PHEX: variants seen among roughly 807,000 people sequenced by gnomAD.
PHEX encodes the protein phosphate regulating endopeptidase X-linked.
Under a neutral mutation model 68.0 loss-of-function variants are expected in PHEX, and 16 were observed. The ratio of observed to expected loss-of-function variants is 0.24; its 90% confidence interval spans 0.16 to 0.36. PHEX has a LOEUF of 0.36. PHEX is among the 10% of genes least tolerant of loss of function. The pLI is 1.00. For synonymous variants in PHEX, 208 were observed against 205.1 expected, an observed-to-expected ratio of 1.01 and a Z score of -0.12; for missense variants, 480 against 575.5, an observed-to-expected ratio of 0.83 and a Z score of 1.70.
At chrX:22,129,113 A>T (rs1931868097) in intron 11 of PHEX, among the ~76,000 whole-genome samples, 1 of 111,102 alleles carries the variant, frequency 9.0e-6, no homozygotes, top group Non-Finnish European at 1.9e-5. Flanking sequence ...GATCTGTCTG[A>T]TAACCAAGAT....
intron 5 of PHEX, among the ~76,000 whole-genome samples, chrX:22,080,990 C>T (rs1161080341): frequency 8.9e-6 from 1 of 111,944 alleles, no homozygotes; most frequent in Non-Finnish European, 1.9e-5. Context: ...AAGCATGACC[C>T]AGCAACTGGT....
At chrX:22,245,467 C>G (rs1330685212) in intron 21 of PHEX, 58 bp downstream of exon 21, 15 of 781,551 alleles carry the variant, frequency 1.9e-5, no homozygotes, top group Non-Finnish European at 2.8e-5. Context: ...CCTTCCTCCC[C>G]CACCCAGCCA....
chrX:22,050,360 C>G, intron 3 of PHEX, among the ~76,000 whole-genome samples: 1 of 111,001 alleles, frequency 9.0e-6, no homozygotes, highest in Non-Finnish European at 1.9e-5. Flanking sequence ...GGTGGATCAC[C>G]TTCAGGTCAG....
At chrX:22,176,742 T>C (rs1346664213) in intron 13 of PHEX, among the ~76,000 whole-genome samples, 1 of 111,010 alleles carries the variant, frequency 9.0e-6, no homozygotes, top group Non-Finnish European at 1.9e-5. Flanking sequence ...GCATACAGTG[T>C]TGTTTTGCAT....
chrX:22,138,334 G>A (rs944397909), intron 12 of PHEX, among the ~76,000 whole-genome samples: 1 of 112,734 alleles, frequency 8.9e-6, no homozygotes, highest in African/African-American at 3.2e-5. Flanking sequence ...GTGCTGAGCC[G>A]GGATTCGGAC....
chrX:22,217,802 G>T (rs1414493045), intron 16 of PHEX, among the ~76,000 whole-genome samples: 1 of 111,882 alleles, frequency 8.9e-6, no homozygotes, highest in Admixed American at 9.5e-5. Flanking sequence ...GTAGATAAGA[G>T]AGTGGCCTCA....
At chrX:22,214,750 G>T (rs1935030894) in intron 16 of PHEX, among the ~76,000 whole-genome samples, 1 of 111,842 alleles carries the variant, frequency 8.9e-6, no homozygotes, top group Admixed American at 9.5e-5. Flanking sequence ...TCAGATTGGT[G>T]TGCTCAAAAA....
chrX:22,230,933 C>T (rs2147190027), intron 20 of PHEX, among the ~76,000 whole-genome samples: 1 of 111,496 alleles, frequency 9.0e-6, no homozygotes, highest in South Asian at 3.8e-4. Flanking sequence ...ATAGCTCTTC[C>T]AATTTTGAGA....
At chrX:22,189,700 A>T (rs1934139332) in intron 14 of PHEX, among the ~76,000 whole-genome samples, 1 of 112,720 alleles carries the variant, frequency 8.9e-6, no homozygotes, top group Admixed American at 9.4e-5. Context: ...TTGCCTGTAA[A>T]GCCTAAAATA....
In PHEX at chrX:22,114,449, C is replaced by A; in HGVS notation, c.1174-9C>A. 1 of 1,204,342 alleles carries A rather than the reference C, an allele frequency of 8.3e-7. No homozygotes were observed. Among genetic ancestry groups the A allele is most frequent in the Non-Finnish European group, 1.1e-6 (1 of 888,928 alleles). Reference sequence around the variant, plus strand: ...ATGAAGTTTAATCTGGATCAATTATCTCCCACAGGTAATCCAGGGGACCAC... The same window carrying A: ...ATGAAGTTTAATCTGGATCAATTATATCCCACAGGTAATCCAGGGGACCAC... On this transcript the variant is annotated splice_polypyrimidine_tract_variant and intron_variant, in intron 10 of 21. Coordinates refer to ENST00000379374, the MANE Select transcript of PHEX (RefSeq NM_000444.6).
At chrX:22,120,961 G>A (rs1233311027) in intron 11 of PHEX, among the ~76,000 whole-genome samples, 1 of 111,760 alleles carries the variant, frequency 8.9e-6, no homozygotes, top group African/African-American at 3.2e-5. Context: ...CATTTTGGCT[G>A]GGCTAAGTTC....
At chrX:22,144,424 A>T (rs1316489667) in intron 12 of PHEX, among the ~76,000 whole-genome samples, 2 of 111,615 alleles carry the variant, frequency 1.8e-5, no homozygotes, top group African/African-American at 6.5e-5. Flanking sequence ...GCAAAAATGT[A>T]CATAACTAAT....
At chrX:22,116,187 A>T (rs1170015344) in intron 11 of PHEX, among the ~76,000 whole-genome samples, 1 of 111,475 alleles carries the variant, frequency 9.0e-6, no homozygotes, top group Admixed American at 9.5e-5. Flanking sequence ...TTATGGTTTG[A>T]TTTGCATTTC....
intron 12 of PHEX, among the ~76,000 whole-genome samples, chrX:22,144,949 T>C (rs1162763743): frequency 8.9e-6 from 1 of 112,012 alleles, no homozygotes; most frequent in Non-Finnish European, 1.9e-5. Context: ...TAATGTTGTC[T>C]TTTAACATGT....
intron 2 of PHEX, among the ~76,000 whole-genome samples, chrX:22,041,422 G>A (rs910639808): frequency 9.2e-6 from 1 of 108,430 alleles, no homozygotes; most frequent in Admixed American, 1.0e-4. Flanking sequence ...GAGGCTTCTG[G>A]AGGCTAAATA....
chrX:22,097,800 C>T (rs1319136212), intron 8 of PHEX: 1 of 514,954 alleles, frequency 1.9e-6, no homozygotes, highest in East Asian at 1.8e-4. Context: ...CACAGTCTTG[C>T]TGTGTCATCC....
intron 1 of PHEX, among the ~76,000 whole-genome samples, chrX:22,035,985 CAATT>C (rs1243245545): frequency 1.9e-4 from 18 of 92,379 alleles, no homozygotes; most frequent in Non-Finnish European, 2.5e-4. Context: ...GTCAGTGTCC[CAATT>C]AATTAATTAT....
At chrX:22,198,139 ATATT>A (rs1934430028) in intron 15 of PHEX, among the ~76,000 whole-genome samples, 1 of 104,326 alleles carries the variant, frequency 9.6e-6, no homozygotes, top group Non-Finnish European at 1.9e-5. Flanking sequence ...ATATTATATA[ATATT>A]TATATAATAT....
At chrX:22,098,910 A>C in intron 8 of PHEX, 96 bp from the exon 9 acceptor site, 2 of 838,808 alleles carry the variant, frequency 2.4e-6, no homozygotes, top group East Asian at 3.1e-5. Flanking sequence ...GTGTGAAATC[A>C]AAAGAAATGA....
Sources: allele counts gnomAD v4.1 joint callset (sites outside exome capture counted in the v4.1 genomes callset), GRCh38; gene constraint gnomAD v4.1.1; transcripts MANE v1.5; gene names NCBI Gene and HGNC (gene_info 2026-07-23, HGNC 2026-07-21).